The following AFG1L variants were observed in gnomAD, a reference collection of about 807,000 sequenced individuals.
AFG1L encodes AFG1-like ATPase.
AFG1L carries 53 observed loss-of-function variants against 62.2 expected under a neutral mutation model. The ratio of observed to expected loss-of-function variants is 0.85; its 90% confidence interval spans 0.68 to 1.07. The LOEUF (loss-of-function observed/expected upper bound fraction) is 1.07, where lower values mean the gene tolerates loss of function less well. AFG1L is among the 50% of genes least tolerant of loss of function. The pLI is 0.00. For missense variants in AFG1L, 555 were observed against 590.5 expected (o/e 0.94, Z 0.62); for synonymous variants, 228 against 210.3 (o/e 1.08, Z -0.73).
At chr6:108,471,586 G>A (rs1399326141) in intron 8 of AFG1L, among the ~76,000 whole-genome samples, 3 of 148,670 alleles carry the variant, frequency 2.0e-5, no homozygotes, top group East Asian at 2.0e-4. Flanking sequence ...TCAGCCTTCC[G>A]AGTAGCTGGG....
chr6:108,334,077 G>C (rs750768968), intron 2 of AFG1L, among the ~76,000 whole-genome samples: 4 of 152,018 alleles, frequency 2.6e-5, no homozygotes, highest in East Asian at 1.9e-4. Flanking sequence ...GTGCGATCTC[G>C]GCTCACTGTA....
chr6:108,370,124 G>T (rs1779938892), intron 6 of AFG1L, among the ~76,000 whole-genome samples: 1 of 36,420 alleles, frequency 2.7e-5, no homozygotes, highest in Non-Finnish European at 5.6e-5. Flanking sequence ...GAAGGATGCA[G>T]TAAGGTACAA....
chr6:108,396,446 T>C (rs1375954033), intron 6 of AFG1L, among the ~76,000 whole-genome samples: 3 of 152,198 alleles, frequency 2.0e-5, no homozygotes, highest in African/African-American at 7.2e-5. Context: ...AGAAATAGTT[T>C]TAAAATTTTC....
At chr6:108,297,687 T>G (rs1357192593) in intron 1 of AFG1L, among the ~76,000 whole-genome samples, 1 of 151,460 alleles carries the variant, frequency 6.6e-6, no homozygotes, top group African/African-American at 2.4e-5. Context: ...AAACCCCCTC[T>G]CTATAAAAAA....
At chr6:108,413,371 T>C (rs557278940) in intron 7 of AFG1L, among the ~76,000 whole-genome samples, 1 of 152,054 alleles carries the variant, frequency 6.6e-6, no homozygotes, top group African/African-American at 2.4e-5. Flanking sequence ...GACAGAAAGT[T>C]AGCAAGGATA....
intron 2 of AFG1L, among the ~76,000 whole-genome samples, chr6:108,341,551 G>A (rs1432622064): frequency 6.6e-6 from 1 of 152,150 alleles, no homozygotes; most frequent in Admixed American, 6.5e-5. Context: ...GAGACAGCAG[G>A]TTGGAGAGTT....
At chr6:108,338,486 T>A (rs1778553665) in intron 2 of AFG1L, among the ~76,000 whole-genome samples, 1 of 152,170 alleles carries the variant, frequency 6.6e-6, no homozygotes, top group Admixed American at 6.6e-5. Context: ...AACAAACTTT[T>A]TTTTGTTGTT....
intron 2 of AFG1L, among the ~76,000 whole-genome samples, chr6:108,338,775 T>C (rs751541155): frequency 7.9e-5 from 12 of 152,260 alleles, no homozygotes; most frequent in Non-Finnish European, 1.8e-4. Flanking sequence ...ACTTGCTTCA[T>C]AGGAATTGTT....
chr6:108,408,322 T>C (rs1291345360), intron 7 of AFG1L, among the ~76,000 whole-genome samples: 1 of 152,216 alleles, frequency 6.6e-6, no homozygotes, highest in Non-Finnish European at 1.5e-5. Flanking sequence ...TTCATTGAGG[T>C]ATTTCAGCTT....
At chr6:108,445,576 C>A (rs866968766) in intron 7 of AFG1L, among the ~76,000 whole-genome samples, 2 of 149,026 alleles carry the variant, frequency 1.3e-5, no homozygotes, top group Non-Finnish European at 3.0e-5. Context: ...CATTGTAGGG[C>A]TATTAATCGA....
At chr6:108,446,547 C>T (rs1221957351) in intron 7 of AFG1L, among the ~76,000 whole-genome samples, 2 of 148,736 alleles carry the variant, frequency 1.3e-5, no homozygotes, top group Admixed American at 1.3e-4. Flanking sequence ...CTCTGTTGCC[C>T]AGGCTGAAGT....
intron 10 of AFG1L, among the ~76,000 whole-genome samples, chr6:108,504,492 A>G (rs1453473848): frequency 6.6e-6 from 1 of 152,174 alleles, no homozygotes; most frequent in Non-Finnish European, 1.5e-5. Context: ...TGGCACCCCA[A>G]AGCAATTACA....
chr6:108,480,194 C>T (rs1773273507), intron 10 of AFG1L, among the ~76,000 whole-genome samples: 1 of 152,064 alleles, frequency 6.6e-6, no homozygotes, highest in African/African-American at 2.4e-5. Flanking sequence ...AATTCAGTAC[C>T]GTCATGTTCA....
chr6:108,492,241 A>G (rs139856892), intron 10 of AFG1L, among the ~76,000 whole-genome samples: 60 of 152,290 alleles, frequency 3.9e-4, no homozygotes, highest in Non-Finnish European at 5.1e-4. Context: ...ACCTTGCACT[A>G]TGCAGCTCAT....
chr6:108,454,293 G>A (rs1772169708), intron 8 of AFG1L, among the ~76,000 whole-genome samples: 1 of 152,172 alleles, frequency 6.6e-6, no homozygotes, highest in African/African-American at 2.4e-5. Context: ...TAGCAGTCAA[G>A]GTTGCAGAAA....
intron 6 of AFG1L, among the ~76,000 whole-genome samples, chr6:108,368,469 A>G (rs780868894): frequency 6.6e-5 from 10 of 152,324 alleles, no homozygotes; most frequent in Admixed American, 1.3e-4. Flanking sequence ...CCATTGTACT[A>G]CAAAAGAATT....
intron 3 of AFG1L, among the ~76,000 whole-genome samples, chr6:108,351,427 A>T (rs1562101311): frequency 6.6e-6 from 1 of 152,120 alleles, no homozygotes; most frequent in Non-Finnish European, 1.5e-5. Flanking sequence ...GTATCCTGTG[A>T]TCTTGCTAAA....
intron 1 of AFG1L, among the ~76,000 whole-genome samples, chr6:108,312,581 AAG>A (rs1777452645): frequency 6.6e-6 from 1 of 152,168 alleles, no homozygotes; most frequent in Admixed American, 6.5e-5. Flanking sequence ...AATAATAAAA[AAG>A]AATATCAATA....
intron 1 of AFG1L, among the ~76,000 whole-genome samples, chr6:108,300,065 AT>A (rs1033138738): frequency 6.6e-6 from 1 of 151,902 alleles, no homozygotes; most frequent in Non-Finnish European, 1.5e-5. Flanking sequence ...ACAATATTAT[AT>A]TTTTAGGTGC....
Sources: allele counts gnomAD v4.1 joint callset (sites outside exome capture counted in the v4.1 genomes callset), GRCh38; gene constraint gnomAD v4.1.1; transcripts MANE v1.5; gene names NCBI Gene and HGNC (gene_info 2026-07-23, HGNC 2026-07-21).